Variants in TBC1D32 observed in about 807,000 individuals in gnomAD.
TBC1D32 encodes protein broad-minded.
In TBC1D32, 151 loss-of-function variants were observed where a neutral mutation model predicts 170.3. That is an observed-to-expected ratio of 0.89 (90% CI 0.78 to 1.01). The LOEUF is 1.01. TBC1D32 is among the 50% of genes least tolerant of loss of function. TBC1D32 has a pLI of 0.00. For synonymous variants in TBC1D32, 498 were observed against 488.0 expected (o/e 1.02, Z -0.27); for missense variants, 1,464 against 1,457.1 (o/e 1.00, Z -0.08).
At chr6:121,240,063 G>C (rs1483169208) in intron 19 of TBC1D32, among the ~76,000 whole-genome samples, 1 of 152,060 alleles carries the variant, frequency 6.6e-6, no homozygotes, top group Non-Finnish European at 1.5e-5. Context: ...CATAATCCAA[G>C]GTTGCCATGA....
At chr6:121,312,272 G>A (rs1808323196) in intron 3 of TBC1D32, among the ~76,000 whole-genome samples, 1 of 152,120 alleles carries the variant, frequency 6.6e-6, no homozygotes, top group African/African-American at 2.4e-5. Context: ...ATGATGGGTT[G>A]ATAGGTACAA....
At chr6:121,148,846 T>G (rs907466562) in intron 24 of TBC1D32, among the ~76,000 whole-genome samples, 1 of 152,158 alleles carries the variant, frequency 6.6e-6, no homozygotes, top group African/African-American at 2.4e-5. Flanking sequence ...ACTCCTGACC[T>G]CAGGTGATCT....
chr6:121,288,524 C>T (rs1804269884), intron 12 of TBC1D32, among the ~76,000 whole-genome samples: 1 of 151,926 alleles, frequency 6.6e-6, no homozygotes, highest in South Asian at 2.1e-4. Flanking sequence ...CCTTGCCAAC[C>T]AAAAAAAGTC....
intron 17 of TBC1D32, among the ~76,000 whole-genome samples, chr6:121,244,383 G>A (rs995578297): frequency 2.6e-5 from 4 of 152,062 alleles, no homozygotes; most frequent in Admixed American, 1.3e-4. Flanking sequence ...ATTATATGAC[G>A]TGAAAGAGTA....
chr6:121,187,731 C>T (rs1554262570), intron 22 of TBC1D32, among the ~76,000 whole-genome samples: 1 of 137,358 alleles, frequency 7.3e-6, no homozygotes. Context: ...AAGGGAAATC[C>T]CATGAAGGCT....
intron 1 of TBC1D32, among the ~76,000 whole-genome samples, chr6:121,324,921 C>G (rs1216857125): frequency 6.6e-6 from 1 of 152,136 alleles, no homozygotes; most frequent in African/African-American, 2.4e-5. Context: ...GTCAAAAAAG[C>G]TCTTTGGGCT....
At chr6:121,203,864 G>GT (rs1175016860) in intron 22 of TBC1D32, among the ~76,000 whole-genome samples, 1 of 151,098 alleles carries the variant, frequency 6.6e-6, no homozygotes, top group East Asian at 1.9e-4. Flanking sequence ...GAAAATTAAT[G>GT]TATGTTATTC....
At chr6:121,185,414 T>C (rs1195952127) in intron 22 of TBC1D32, among the ~76,000 whole-genome samples, 4 of 152,124 alleles carry the variant, frequency 2.6e-5, no homozygotes, top group Non-Finnish European at 4.4e-5. Flanking sequence ...TGGAGTGCTA[T>C]TGTGCACATA....
intron 15 of TBC1D32, among the ~76,000 whole-genome samples, chr6:121,266,124 G>C (rs555021597): frequency 1.3e-5 from 2 of 152,220 alleles, no homozygotes; most frequent in African/African-American, 4.8e-5. Flanking sequence ...ACTATTATCA[G>C]CATGAACAGG....
chr6:121,121,531 T>C (rs747218111), intron 26 of TBC1D32, among the ~76,000 whole-genome samples: 2 of 152,024 alleles, frequency 1.3e-5, no homozygotes, highest in African/African-American at 2.4e-5. Flanking sequence ...TGGATATTCA[T>C]CCGTGGAAAA....
At chr6:121,139,383 G>A (rs2128224074) in intron 24 of TBC1D32, among the ~76,000 whole-genome samples, 1 of 152,222 alleles carries the variant, frequency 6.6e-6, no homozygotes, top group East Asian at 1.9e-4. Flanking sequence ...ATACTATGCA[G>A]GTAATATTCC....
intron 20 of TBC1D32, among the ~76,000 whole-genome samples, chr6:121,229,107 T>A (rs1795407800): frequency 6.6e-6 from 1 of 152,200 alleles, no homozygotes; most frequent in African/African-American, 2.4e-5. Flanking sequence ...ATCTTTATCT[T>A]TAAAGTGAAC....
chr6:121,195,160 A>C (rs1210032579), intron 22 of TBC1D32, among the ~76,000 whole-genome samples: 3 of 152,188 alleles, frequency 2.0e-5, no homozygotes, highest in Non-Finnish European at 4.4e-5. Flanking sequence ...AAAGGCTGCC[A>C]GTTTTGAGTG....
intron 21 of TBC1D32, among the ~76,000 whole-genome samples, chr6:121,212,157 C>G (rs1030228901): frequency 6.6e-6 from 1 of 151,936 alleles, no homozygotes. Flanking sequence ...CATATGCCCC[C>G]CCAAGACTGA....
intron 17 of TBC1D32, among the ~76,000 whole-genome samples, chr6:121,248,050 GA>G (rs2128377491): frequency 6.6e-6 from 1 of 152,028 alleles, no homozygotes; most frequent in African/African-American, 2.4e-5. Context: ...CATTCCCCAA[GA>G]TAGACCACAC....
At chr6:121,281,325 T>C (rs1338614967) in intron 14 of TBC1D32, among the ~76,000 whole-genome samples, 1 of 107,228 alleles carries the variant, frequency 9.3e-6, no homozygotes, top group Non-Finnish European at 2.2e-5. Context: ...AAAAAAAAAC[T>C]TAGATATTCT....
Position 121,113,179 on chromosome 6 carries a change from T to G in TBC1D32, c.3054-2A>C, listed in dbSNP as rs1779360352. The G allele has an allele frequency of 6.3e-7, 1 of 1,585,496 alleles. No individual in the cohort carries two copies. The highest frequency in any genetic ancestry group is 8.6e-7 in the Non-Finnish European group (1 of 1,166,352). On this transcript the variant is annotated splice_acceptor_variant, in intron 27 of 31. Transcript: ENST00000398212. LOFTEE classifies it high-confidence loss of function. ...AAGAGACTGAGGAATTTGCCATACCTATATTAAAAGCCCACAAAACATAAA... is the reference window on the plus strand; with the variant it reads ...AAGAGACTGAGGAATTTGCCATACCGATATTAAAAGCCCACAAAACATAAA...
chr6:121,097,188 T>C (rs377196716), intron 30 of TBC1D32, among the ~76,000 whole-genome samples: 2,085 of 152,154 alleles, frequency 0.014, 29 homozygotes, highest in South Asian at 0.05. Flanking sequence ...AAAGCCGAAA[T>C]TGACAAATGG....
At chr6:121,272,869 T>A (rs991410012) in intron 15 of TBC1D32, among the ~76,000 whole-genome samples, 3 of 152,146 alleles carry the variant, frequency 2.0e-5, no homozygotes, top group Non-Finnish European at 2.9e-5. Flanking sequence ...CAAATGTCCA[T>A]CAATGATAGA....
Sources: allele counts gnomAD v4.1 joint callset (sites outside exome capture counted in the v4.1 genomes callset), GRCh38; gene constraint gnomAD v4.1.1; transcripts MANE v1.5; gene names NCBI Gene and HGNC (gene_info 2026-07-23, HGNC 2026-07-21).